Variants in FAM186A observed in about 807,000 individuals in gnomAD.
The protein encoded by FAM186A is family with sequence similarity 186 member A.
A neutral mutation model predicts 216.8 loss-of-function variants in FAM186A; 163 were observed. The ratio of observed to expected loss-of-function variants is 0.75; its 90% CI spans 0.66 to 0.86. The LOEUF is 0.86. Among genes scored for constraint, FAM186A ranks in the 40% least tolerant of loss-of-function variants. The pLI, the probability that FAM186A is intolerant of heterozygous loss-of-function variation, is 0.00. For missense variants in FAM186A, 2,184 were observed against 2,746.2 expected (o/e 0.80, Z 4.58); for synonymous variants, 805 against 1,025.3 (o/e 0.79, Z 4.10).
At chr12:50,374,747 C>T (rs1000017580) in intron 1 of FAM186A, among the ~76,000 whole-genome samples, 3 of 152,186 alleles carry the variant, frequency 2.0e-5, no homozygotes, top group African/African-American at 7.2e-5. Flanking sequence ...CTAATCACTT[C>T]TGCTCAACAT....
chr12:50,383,615 G>C (rs950115700), intron 1 of FAM186A, among the ~76,000 whole-genome samples: 19 of 151,958 alleles, frequency 1.3e-4, no homozygotes, highest in African/African-American at 4.1e-4. Flanking sequence ...AAAAAAGAAA[G>C]AAACAAACAA....
chr12:50,381,304 T>C (rs1310189489), intron 1 of FAM186A, among the ~76,000 whole-genome samples: 2 of 152,208 alleles, frequency 1.3e-5, no homozygotes, highest in Admixed American at 1.3e-4. Context: ...TCCCAAGTTC[T>C]TGTCTTGCAT....
chr12:50,361,651 A>G (rs951404026), intron 2 of FAM186A, among the ~76,000 whole-genome samples: 14 of 144,160 alleles, frequency 9.7e-5, no homozygotes, highest in Non-Finnish European at 2.1e-4. Context: ...GCTCAGTGCA[A>G]CCTCTACCTC....
intron 1 of FAM186A, among the ~76,000 whole-genome samples, chr12:50,384,780 T>C (rs1420073592): frequency 2.0e-5 from 3 of 152,108 alleles, no homozygotes; most frequent in Non-Finnish European, 4.4e-5. Flanking sequence ...TTACACCATA[T>C]ACAAAAATCC....
chr12:50,355,843 A>C lies in FAM186A; in HGVS notation c.989T>G (p.Leu330Arg). The C allele has an allele frequency of 6.4e-7, 1 of 1,551,362 alleles. No individual in the cohort carries two copies. Among genetic ancestry groups the C allele is most frequent in the Non-Finnish European group, 8.7e-7 (1 of 1,146,958 alleles). The change falls in exon 4 of 8, where the codon CTT (leucine) becomes CGT (arginine). Residue 330 changes from leucine to arginine, a missense_variant. Leu to Arg is a moderately radical substitution (Grantham distance 102). Transcript: ENST00000327337. Reference protein sequence around the residue: ...LQDAEEKCEQLIRSKIVIEQL... With the variant: ...LQDAEEKCEQRIRSKIVIEQL... Reference sequence around the variant, plus strand: ...TTCTATAACAATTTTGGATCGAATAAGTTGTTCACATTTTTCTTCTGCATC... The same window carrying C: ...TTCTATAACAATTTTGGATCGAATACGTTGTTCACATTTTTCTTCTGCATC...
intron 4 of FAM186A, among the ~76,000 whole-genome samples, chr12:50,346,520 C>A (rs193083318): frequency 2.6e-5 from 4 of 152,268 alleles, no homozygotes; most frequent in Non-Finnish European, 5.9e-5. Context: ...AGCCACCGCA[C>A]CCAGCCCTGT....
intron 2 of FAM186A, among the ~76,000 whole-genome samples, chr12:50,361,341 G>A (rs1263661164): frequency 6.6e-6 from 1 of 152,094 alleles, no homozygotes; most frequent in East Asian, 1.9e-4. Context: ...TGGGATTACA[G>A]GCATGTGCCG....
At chr12:50,349,953 C>T (rs896878119) in intron 4 of FAM186A, among the ~76,000 whole-genome samples, 2 of 152,084 alleles carry the variant, frequency 1.3e-5, no homozygotes, top group African/African-American at 4.8e-5. Context: ...TGCCTGGTCT[C>T]ATTCTTTTTT....
At chr12:50,360,281 TAAATAA>T (rs917088493) in intron 3 of FAM186A, among the ~76,000 whole-genome samples, 5 of 149,930 alleles carry the variant, frequency 3.3e-5, no homozygotes, top group African/African-American at 9.8e-5. Context: ...AAATTTAAAA[TAAATAA>T]AAATAAAATT....
intron 1 of FAM186A, among the ~76,000 whole-genome samples, chr12:50,374,224 C>T (rs1234960156): frequency 1.3e-5 from 2 of 151,142 alleles, no homozygotes; most frequent in African/African-American, 2.4e-5. Context: ...GTGGGTGCAG[C>T]GCACCAGCAT....
intron 4 of FAM186A, among the ~76,000 whole-genome samples, chr12:50,348,177 T>TGGA (rs1472820270): frequency 2.0e-5 from 3 of 151,540 alleles, no homozygotes; most frequent in African/African-American, 7.3e-5. Flanking sequence ...CCTGAGTAGC[T>TGGA]GGAGGTGTGT....
chr12:50,354,102 T>C lies in FAM186A; in HGVS notation c.2730A>G (p.Arg910=), dbSNP rs1369597168. Residue 910 remains arginine, a synonymous_variant, in exon 4 of 8, where the codon AGA becomes AGG. Transcript: ENST00000327337. ...QAEQEEKQKQ[R]GQEEEELPKS... Reference sequence around the variant, plus strand: ...TTGGAAGCTCTTCTTCCTCCTGTCCTCTTTGCTTTTGCTTTTCCTCTTGCT... The same window carrying C: ...TTGGAAGCTCTTCTTCCTCCTGTCCCCTTTGCTTTTGCTTTTCCTCTTGCT... 7.1e-6 allele frequency: 11 copies of C among 1,551,746 alleles called. No homozygotes were observed. The highest frequency in any genetic ancestry group is 3.3e-4 in the Middle Eastern group (2 of 5,994).
At chr12:50,379,467 G>GA (rs1330805457) in intron 1 of FAM186A, among the ~76,000 whole-genome samples, 590 of 11,000 alleles carry the variant, frequency 0.054, 9 homozygotes, top group Admixed American at 0.078. Context: ...AAAAAAGAGG[G>GA]AAAAACAAAA....
chr12:50,330,558 C>CA lies in FAM186A; in HGVS notation c.7034+14dup. The CA allele has an allele frequency of 6.5e-7, 1 of 1,543,476 alleles. No homozygotes were observed. The highest frequency in any genetic ancestry group is 8.7e-7 in the Non-Finnish European group (1 of 1,144,326). On this transcript the variant is annotated intron_variant, in intron 7 of 7. Coordinates refer to ENST00000327337, the MANE Select transcript of FAM186A (RefSeq NM_001145475.3). Reference sequence around the variant, plus strand: ...AAAGGCCCAATTACCAGAGTGCTTCCAGTCCATAACTTACCGTGATTGGAG... The same window carrying CA: ...AAAGGCCCAATTACCAGAGTGCTTCCAAGTCCATAACTTACCGTGATTGGAG...
At position 50,387,920 on chromosome 12, in the gene FAM186A, C is replaced by T. The variant is rs190842562; in HGVS notation, c.192+8373G>A. ...AAGCCTTACCAAGGACTCCCATACC[C>T]TCACTATCTGCCTACGTGATTTCTT... On this transcript the variant is annotated intron_variant, in intron 1 of 7. Coordinates refer to ENST00000327337, the MANE Select transcript of FAM186A (RefSeq NM_001145475.3). Among the ~76,000 whole-genome samples, 23 of 152,310 alleles carry T rather than the reference C, an allele frequency of 1.5e-4. No homozygotes were observed. In the East Asian group the frequency reaches 4.4e-3, roughly 29 times the overall value.
intron 4 of FAM186A, among the ~76,000 whole-genome samples, chr12:50,345,899 A>C (rs554464057): frequency 6.6e-6 from 1 of 150,502 alleles, no homozygotes; most frequent in Admixed American, 6.7e-5. Context: ...TGACATTGGT[A>C]GTTTAATAGG....
At chr12:50,349,625 G>T (rs1228276075) in intron 4 of FAM186A, among the ~76,000 whole-genome samples, 3 of 142,696 alleles carry the variant, frequency 2.1e-5, no homozygotes, top group Non-Finnish European at 4.5e-5. Flanking sequence ...CATTCATGTT[G>T]TTGCAAATGG....
Position 50,396,479 on chromosome 12 carries a change from G to T in FAM186A, c.6C>A (p.Phe2Leu), listed in dbSNP as rs1295246269. Reference sequence around the variant, plus strand: ...TGTCTATCTCATTTTTCATTTTGAAGAACATTTTGAAAATGTGGGTGATTT... The same window carrying T: ...TGTCTATCTCATTTTTCATTTTGAATAACATTTTGAAAATGTGGGTGATTT... M[F>L]FKMKNEIDND... The change falls in exon 1 of 8, where the codon TTC becomes TTA. Residue 2 changes from phenylalanine (F) to leucine (L), a missense_variant. This residue lies in a region of FAM186A where 1,132 missense variants were observed against 1,263.4 expected (regional missense o/e 0.90). Transcript: ENST00000327337. The T allele has an allele frequency of 2.0e-6, 3 of 1,532,292 alleles. No homozygotes were observed. Among genetic ancestry groups the T allele is most frequent in the Non-Finnish European group, 2.6e-6 (3 of 1,140,778 alleles). 94.9% of individuals were successfully genotyped at this position (1,532,292 alleles called of 1,614,324 possible).
Position 50,363,379 on chromosome 12 carries a change from A to T in FAM186A, c.193-15T>A. 2 of 1,538,946 alleles carry T rather than the reference A, an allele frequency of 1.3e-6. No homozygotes were observed. The highest frequency in any genetic ancestry group is 1.8e-6 in the Non-Finnish European group (2 of 1,138,574). ...ATATCAATGTCCTGTCAGAATAAGA[A>T]GGGGGCATGTATTAATCTTCAGTTT... is the stretch of plus-strand genomic sequence containing the variant. On this transcript the variant is annotated splice_polypyrimidine_tract_variant and intron_variant, in intron 1 of 7. Transcript: ENST00000327337.
Sources: allele counts gnomAD v4.1 joint callset (sites outside exome capture counted in the v4.1 genomes callset), GRCh38; gene constraint gnomAD v4.1.1; regional missense constraint gnomAD v4.1.1; transcripts MANE v1.5; gene names NCBI Gene and HGNC (gene_info 2026-07-23, HGNC 2026-07-21).